The following CTNNA3 variants were observed in gnomAD, a reference collection of about 807,000 sequenced individuals.
CTNNA3 encodes the protein catenin alpha 3, also known as catenin alpha-3.
CTNNA3 carries 76 observed loss-of-function variants against 95.7 expected under a neutral mutation model. The observed-to-expected ratio is 0.79, with a 90% CI of 0.66 to 0.96. The LOEUF (loss-of-function observed/expected upper bound fraction) is 0.96, where lower values mean the gene tolerates loss of function less well. Among genes scored for constraint, CTNNA3 ranks in the 40% least tolerant of loss-of-function variants. CTNNA3 has a pLI of 0.00. For synonymous variants in CTNNA3, 431 were observed against 374.4 expected (o/e 1.15, Z -1.74); for missense variants, 1,191 against 1,089.8 (o/e 1.09, Z -1.31).
At chr10:66,456,496 C>T (rs987690720) in intron 11 of CTNNA3, among the ~76,000 whole-genome samples, 2 of 152,060 alleles carry the variant, frequency 1.3e-5, no homozygotes, top group African/African-American at 4.8e-5. Context: ...GCCTGGCCAA[C>T]ATGGTGAAAT....
chr10:66,203,008 C>A (rs74141253), intron 13 of CTNNA3, among the ~76,000 whole-genome samples: 208 of 152,288 alleles, frequency 1.4e-3, no homozygotes, highest in African/African-American at 4.7e-3. Flanking sequence ...AATAAAGTCT[C>A]TACTGGTCTC....
intron 11 of CTNNA3, among the ~76,000 whole-genome samples, chr10:66,417,311 C>A (rs906036094): frequency 6.6e-6 from 1 of 151,778 alleles, no homozygotes; most frequent in Middle Eastern, 3.2e-3. Flanking sequence ...GATAAAAGGA[C>A]CAATCTAGCA....
At chr10:66,633,496 T>C (rs188077733) in intron 9 of CTNNA3, among the ~76,000 whole-genome samples, 3,733 of 151,910 alleles carry the variant, frequency 0.025, 86 homozygotes, top group Middle Eastern at 0.1. Flanking sequence ...CTGGCTAACA[T>C]GGTGAAACCC....
At chr10:67,340,118 A>T (rs966624957) in intron 5 of CTNNA3, among the ~76,000 whole-genome samples, 4 of 152,202 alleles carry the variant, frequency 2.6e-5, no homozygotes, top group Non-Finnish European at 5.9e-5. Flanking sequence ...GAGATATAGA[A>T]AAGAATGCTT....
chr10:66,699,035 A>G (rs1352048834), intron 9 of CTNNA3, among the ~76,000 whole-genome samples: 1 of 152,192 alleles, frequency 6.6e-6, no homozygotes, highest in Non-Finnish European at 1.5e-5. Context: ...GTCTATATAT[A>G]TGTACCTTTA....
intron 5 of CTNNA3, among the ~76,000 whole-genome samples, chr10:67,250,910 T>C (rs1265825538): frequency 6.6e-6 from 1 of 152,140 alleles, no homozygotes; most frequent in Admixed American, 6.6e-5. Flanking sequence ...CTTTGGAAAA[T>C]AGCCTGGCAG....
chr10:66,872,614 A>G (rs1844452929), intron 7 of CTNNA3, among the ~76,000 whole-genome samples: 1 of 152,130 alleles, frequency 6.6e-6, no homozygotes, highest in Non-Finnish European at 1.5e-5. Flanking sequence ...GGTTACAGTG[A>G]GCCGAGATTG....
At chr10:66,758,205 A>G (rs1387448638) in intron 9 of CTNNA3, among the ~76,000 whole-genome samples, 7 of 152,306 alleles carry the variant, frequency 4.6e-5, no homozygotes, top group African/African-American at 1.7e-4. Flanking sequence ...CAATGCCAGG[A>G]ATGGAGAAAA....
chr10:66,083,648 T>C (rs1395684998), intron 14 of CTNNA3, among the ~76,000 whole-genome samples: 4 of 152,206 alleles, frequency 2.6e-5, no homozygotes, highest in Non-Finnish European at 5.9e-5. Flanking sequence ...AAGGTCTGGC[T>C]TATTCTTCTA....
chr10:66,560,081 C>A (rs1842506518), intron 10 of CTNNA3, among the ~76,000 whole-genome samples: 4 of 151,992 alleles, frequency 2.6e-5, no homozygotes, highest in Admixed American at 2.6e-4. Flanking sequence ...GAGAAAAAAG[C>A]CATAATATGC....
chr10:66,792,133 AT>A (rs1325926763), intron 7 of CTNNA3, among the ~76,000 whole-genome samples: 5 of 152,204 alleles, frequency 3.3e-5, no homozygotes, highest in African/African-American at 9.6e-5. Flanking sequence ...CTCTAAAAAA[AT>A]ATAACCTCCT....
chr10:66,131,066 CAAA>C (rs571726484), intron 13 of CTNNA3, among the ~76,000 whole-genome samples: 3 of 113,784 alleles, frequency 2.6e-5, no homozygotes, highest in Non-Finnish European at 5.6e-5. Flanking sequence ...AATTGCCTAC[CAAA>C]AAAAAAAAAA....
chr10:67,486,909 T>C (rs571684151), intron 5 of CTNNA3, among the ~76,000 whole-genome samples: 1 of 152,358 alleles, frequency 6.6e-6, no homozygotes, highest in South Asian at 2.1e-4. Flanking sequence ...ATTTTACTAC[T>C]TTCTTCCAAG....
chr10:66,349,276 G>A (rs556351496), intron 12 of CTNNA3, among the ~76,000 whole-genome samples: 5 of 151,892 alleles, frequency 3.3e-5, no homozygotes, highest in African/African-American at 4.8e-5. Context: ...ACTGAATTCC[G>A]CCAACAACCT....
chr10:66,696,520 C>T (rs1209635460), intron 9 of CTNNA3, among the ~76,000 whole-genome samples: 1 of 152,054 alleles, frequency 6.6e-6, no homozygotes, highest in African/African-American at 2.4e-5. Context: ...TAGATTATTC[C>T]CTGCTATGAT....
chr10:67,336,451 C>T (rs762191347), intron 5 of CTNNA3, among the ~76,000 whole-genome samples: 5 of 152,126 alleles, frequency 3.3e-5, no homozygotes, highest in Non-Finnish European at 7.4e-5. Context: ...AAGAAGTTTC[C>T]TTCATAACAT....
At chr10:67,534,039 C>T (rs75939326) in intron 4 of CTNNA3, among the ~76,000 whole-genome samples, 440 of 150,502 alleles carry the variant, frequency 2.9e-3, no homozygotes, top group African/African-American at 9.9e-3. Context: ...GTAGCAGGAA[C>T]TTGTATAAGT....
chr10:67,443,950 A>G (rs1406749102), intron 5 of CTNNA3, among the ~76,000 whole-genome samples: 1 of 152,170 alleles, frequency 6.6e-6, no homozygotes, highest in Non-Finnish European at 1.5e-5. Flanking sequence ...TAAGTCTTTA[A>G]TCCATCTTGA....
intron 9 of CTNNA3, among the ~76,000 whole-genome samples, chr10:66,647,389 G>A (rs1379389249): frequency 1.3e-5 from 2 of 152,158 alleles, no homozygotes; most frequent in African/African-American, 4.8e-5. Flanking sequence ...TTTGGGAACA[G>A]GCAGGCTGGA....
Sources: gnomAD v4.1 joint callset for allele counts (sites outside exome capture counted in the v4.1 genomes callset) on GRCh38, gnomAD v4.1.1 for gene constraint, MANE v1.5 for transcripts, NCBI Gene and HGNC (gene_info 2026-07-23, HGNC 2026-07-21) for gene names.